MACROD2: variants seen among roughly 807,000 people sequenced by gnomAD.
MACROD2 encodes ADP-ribose glycohydrolase MACROD2.
Under a neutral mutation model 70.4 loss-of-function variants are expected in MACROD2, and 36 were observed. The ratio of observed to expected loss-of-function variants is 0.51; its 90% CI spans 0.39 to 0.68. MACROD2 has a LOEUF of 0.68. Among genes scored for constraint, MACROD2 ranks in the 30% least tolerant of loss-of-function variants. The pLI, the probability that MACROD2 is intolerant of heterozygous loss-of-function variation, is 0.00. For missense variants in MACROD2, 496 were observed against 538.4 expected (o/e 0.92, Z 0.78); for synonymous variants, 172 against 178.8 (o/e 0.96, Z 0.30).
At chr20:15,486,697 ACAGATAGT>A (rs2047167744) in intron 7 of MACROD2, among the ~76,000 whole-genome samples, 1 of 152,166 alleles carries the variant, frequency 6.6e-6, no homozygotes. Context: ...TTTACCTTGG[ACAGATAGT>A]CAGTAATTGA....
chr20:15,446,067 T>G (rs751050642), intron 7 of MACROD2, among the ~76,000 whole-genome samples: 4 of 152,144 alleles, frequency 2.6e-5, no homozygotes, highest in Admixed American at 6.6e-5. Flanking sequence ...CTGAGTAGAG[T>G]GCCAAAGATT....
chr20:14,720,844 T>G (rs1046232024), intron 5 of MACROD2, among the ~76,000 whole-genome samples: 5 of 152,020 alleles, frequency 3.3e-5, no homozygotes, highest in Admixed American at 3.3e-4. Flanking sequence ...AAGCCACTGC[T>G]CCCGCCCACA....
chr20:14,536,230 C>T (rs921400511), intron 4 of MACROD2, among the ~76,000 whole-genome samples: 6 of 152,180 alleles, frequency 3.9e-5, no homozygotes, highest in African/African-American at 1.2e-4. Context: ...AAATAATTAT[C>T]TGTGACAATT....
intron 5 of MACROD2, among the ~76,000 whole-genome samples, chr20:15,008,741 A>G (rs1222783777): frequency 6.6e-6 from 1 of 152,200 alleles, no homozygotes; most frequent in Non-Finnish European, 1.5e-5. Context: ...ATGGTATGGC[A>G]TGACTGGAGC....
chr20:14,968,403 G>A (rs115856986), intron 5 of MACROD2, among the ~76,000 whole-genome samples: 62 of 152,124 alleles, frequency 4.1e-4, no homozygotes, highest in African/African-American at 1.1e-3. Context: ...CCTCAATACC[G>A]TTTGTTGGTT....
chr20:14,537,642 G>A (rs1307628610), intron 4 of MACROD2, among the ~76,000 whole-genome samples: 1 of 152,148 alleles, frequency 6.6e-6, no homozygotes, highest in African/African-American at 2.4e-5. Flanking sequence ...CATCACCAAT[G>A]TAAGTTCCAT....
chr20:15,525,527 A>G lies in MACROD2; in HGVS notation c.645+25680A>G, dbSNP rs139413375. On this transcript the variant is annotated intron_variant, in intron 8 of 17. Coordinates refer to ENST00000684519, the MANE Select transcript of MACROD2 (RefSeq NM_001351661.2). ...GTGCCATGGTGAGATTCAGAACCAC[A>G]AGGTCCCTGTTCCTTTCACAGTAAT... 4.5e-3 allele frequency among the ~76,000 whole-genome samples: 680 copies of G among 152,358 alleles called. 2 individuals are homozygous for G. The highest frequency in any genetic ancestry group is 0.015 in the African/African-American group (639 of 41,580).
chr20:14,373,391 A>T (rs2083344033), intron 3 of MACROD2, among the ~76,000 whole-genome samples: 1 of 152,196 alleles, frequency 6.6e-6, no homozygotes, highest in Non-Finnish European at 1.5e-5. Context: ...TGTATTATAT[A>T]CAAAAATAAT....
At position 15,062,593 on chromosome 20, in the gene MACROD2, G is replaced by A. The variant is rs1326347664; in HGVS notation, c.419-167347G>A. Among the ~76,000 whole-genome samples the A allele has an allele frequency of 3.3e-5, 5 of 152,084 alleles. No homozygotes were observed. The South Asian group carries it at 8.3e-4, about 25-fold the overall frequency. On this transcript the variant is annotated intron_variant, in intron 5 of 17. Coordinates refer to ENST00000684519, the MANE Select transcript of MACROD2 (RefSeq NM_001351661.2). Reference sequence around the variant, plus strand: ...TGCTGTGCTCCCGAACTGAGCTAAAGTGTTAATAAAAACTTAATGCTCAAC... The same window carrying A: ...TGCTGTGCTCCCGAACTGAGCTAAAATGTTAATAAAAACTTAATGCTCAAC...
intron 8 of MACROD2, among the ~76,000 whole-genome samples, chr20:15,768,132 A>C (rs1025423033): frequency 2.0e-5 from 3 of 148,238 alleles, no homozygotes; most frequent in Non-Finnish European, 4.4e-5. Context: ...GTTTGTGTGT[A>C]TGTGTCTGTG....
chr20:15,921,133 A>T (rs2065398463), intron 10 of MACROD2, among the ~76,000 whole-genome samples: 2 of 152,186 alleles, frequency 1.3e-5, no homozygotes, highest in African/African-American at 4.8e-5. Flanking sequence ...CTGCCCCCGT[A>T]GACATGCCTC....
At chr20:15,353,525 C>T (rs906717941) in intron 6 of MACROD2, among the ~76,000 whole-genome samples, 7 of 152,168 alleles carry the variant, frequency 4.6e-5, no homozygotes, top group Non-Finnish European at 8.8e-5. Flanking sequence ...AACTAAAGAG[C>T]TTCTGCACAG....
At chr20:14,832,015 C>A (rs891602188) in intron 5 of MACROD2, among the ~76,000 whole-genome samples, 2 of 137,824 alleles carry the variant, frequency 1.5e-5, no homozygotes, top group African/African-American at 5.5e-5. Flanking sequence ...TCCCGCACCT[C>A]GACTTCATGC....
intron 3 of MACROD2, among the ~76,000 whole-genome samples, chr20:14,459,088 G>A (rs2084337158): frequency 6.6e-6 from 1 of 152,004 alleles, no homozygotes; most frequent in Non-Finnish European, 1.5e-5. Context: ...AAGAAGGTGT[G>A]AGATCTAAGA....
At chr20:15,794,814 G>A (rs891431116) in intron 8 of MACROD2, among the ~76,000 whole-genome samples, 5 of 152,152 alleles carry the variant, frequency 3.3e-5, no homozygotes, top group Non-Finnish European at 5.9e-5. Context: ...ACTGACATCC[G>A]TAACAGAGAA....
At position 14,187,641 on chromosome 20, in the gene MACROD2, T is replaced by C. The variant is rs572611130; in HGVS notation, c.271+101913T>C. ...AACTAAAATTTTGTTAAATATGACA[T>C]AAAGCAGCTTACTTTTATATTTCTC... is the stretch of plus-strand genomic sequence containing the variant. On this transcript the variant is annotated intron_variant, in intron 3 of 17. Coordinates refer to ENST00000684519, the MANE Select transcript of MACROD2 (RefSeq NM_001351661.2). Among the ~76,000 whole-genome samples the C allele has an allele frequency of 2.0e-5, 3 of 152,336 alleles. No individual in the cohort carries two copies. The East Asian group carries it at 5.8e-4, about 29-fold the overall frequency.
At chr20:14,572,580 A>G (rs1980268909) in intron 4 of MACROD2, among the ~76,000 whole-genome samples, 1 of 152,188 alleles carries the variant, frequency 6.6e-6, no homozygotes, top group Non-Finnish European at 1.5e-5. Context: ...ATATGGATGA[A>G]TCTCACAGAC....
chr20:14,452,997 A>G (rs445417), intron 3 of MACROD2, among the ~76,000 whole-genome samples: 65,599 of 151,966 alleles, frequency 0.43, 15,949 homozygotes, highest in East Asian at 0.82. Context: ...ATTGATTTCA[A>G]TTACCTTATC....
At chr20:14,122,601 T>A (rs2054601186) in intron 3 of MACROD2, among the ~76,000 whole-genome samples, 2 of 152,180 alleles carry the variant, frequency 1.3e-5, no homozygotes, top group South Asian at 4.1e-4. Flanking sequence ...ATTTTCCCCA[T>A]GATAAGATCA....
Sources: allele counts gnomAD v4.1 joint callset (sites outside exome capture counted in the v4.1 genomes callset), GRCh38; gene constraint gnomAD v4.1.1; transcripts MANE v1.5; gene names NCBI Gene and HGNC (gene_info 2026-07-23, HGNC 2026-07-21).